The following GYG1 variants were observed in gnomAD, a reference collection of about 807,000 sequenced individuals.
GYG1 encodes glycogenin 1.
Under a neutral mutation model 41.9 loss-of-function variants are expected in GYG1, and 44 were observed. The observed-to-expected ratio is 1.05, with a 90% CI of 0.83 to 1.35. The LOEUF (loss-of-function observed/expected upper bound fraction) is 1.35. GYG1 is among the 40% of genes most tolerant of loss of function. The pLI, the probability that GYG1 is intolerant of heterozygous loss-of-function variation, is 0.00. For synonymous variants in GYG1, 141 were observed against 158.1 expected (o/e 0.89, Z 0.81); for missense variants, 429 against 418.9 (o/e 1.02, Z -0.21).
intron 5 of GYG1, among the ~76,000 whole-genome samples, chr3:149,023,106 C>A (rs1167153595): frequency 2.6e-5 from 4 of 152,166 alleles, no homozygotes; most frequent in African/African-American, 4.8e-5. Context: ...TGGTCCAGAT[C>A]TGTTCCATGT....
At chr3:149,001,122 T>A (rs905888552) in intron 4 of GYG1, 1 of 152,192 alleles carries the variant, frequency 6.6e-6, no homozygotes, top group Non-Finnish European at 1.5e-5. Flanking sequence ...AAGATGGTAC[T>A]TGTCCAAACC....
chr3:149,024,774 A>C (rs1421874798), intron 6 of GYG1, among the ~76,000 whole-genome samples: 1 of 152,228 alleles, frequency 6.6e-6, no homozygotes, highest in Non-Finnish European at 1.5e-5. Context: ...AGGATCTTGA[A>C]AAAGAAATAT....
intron 5 of GYG1, among the ~76,000 whole-genome samples, 171 bp from the exon 6 acceptor site, chr3:149,023,882 G>C (rs972733423): frequency 2.2e-5 from 3 of 136,056 alleles, no homozygotes; most frequent in Non-Finnish European, 4.9e-5. Flanking sequence ...GCTAAGGGTG[G>C]GAAGTTAGAG....
rs180812909 is a variant in GYG1 at position 149,005,723 on chromosome 3, T to C, written c.482-3553T>C. On this transcript the variant is annotated intron_variant, in intron 4 of 7. Coordinates refer to ENST00000345003, the MANE Select transcript of GYG1 (RefSeq NM_004130.4). ...TGGAATTTAGCATCTAATTCCTGATTGTATTTTGCACATTAATTGTAAGAG... is the reference window on the plus strand; with the variant it reads ...TGGAATTTAGCATCTAATTCCTGATCGTATTTTGCACATTAATTGTAAGAG... 2.2e-3 allele frequency among the ~76,000 whole-genome samples: 337 copies of C among 152,358 alleles called. 2 individuals carry two copies. The highest frequency in any genetic ancestry group is 7.8e-3 in the African/African-American group (323 of 41,586).
chr3:148,994,381 C>G, intron 2 of GYG1, 104 bp downstream of exon 2: 1 of 1,242,086 alleles, frequency 8.1e-7, no homozygotes, highest in Non-Finnish European at 1.2e-6. Context: ...AGGAATTGAG[C>G]ACCGGGTAGA....
chr3:149,009,690 C>T (rs573202762), intron 5 of GYG1, among the ~76,000 whole-genome samples: 2 of 152,286 alleles, frequency 1.3e-5, no homozygotes, highest in East Asian at 3.9e-4. Context: ...AAAACACAGA[C>T]TCTTAAGCTC....
In GYG1 at chr3:148,994,179, C is replaced by A; in HGVS notation, c.45C>A (p.Tyr15Ter). The A allele has an allele frequency of 1.2e-6, 2 of 1,613,678 alleles. No individual in the cohort carries two copies. Among genetic ancestry groups the A allele is most frequent in the East Asian group, 4.5e-5 (2 of 44,870 alleles). The stretch of plus-strand genomic sequence containing the variant: ...TGACACTAACCACAAACGATGCCTA[C>A]GCCAAAGGTGCCCTGGTCCTGGGAT... Reference protein sequence around the residue: ...AFVTLTTNDAYAKGALVLGSS... With the variant: ...AFVTLTTNDA The change falls in exon 2 of 8, where the codon TAC becomes TAA. Residue 15 changes from tyrosine (Y) to a stop codon, truncating the protein, a stop_gained. Coordinates refer to ENST00000345003, the MANE Select transcript of GYG1 (RefSeq NM_004130.4). LOFTEE classifies it high-confidence loss of function.
chr3:148,995,471 A>G (rs543477730), intron 2 of GYG1, among the ~76,000 whole-genome samples: 2 of 152,264 alleles, frequency 1.3e-5, no homozygotes, highest in Non-Finnish European at 2.9e-5. Flanking sequence ...TTGTTCCTAA[A>G]TGGTAATTTA....
intron 5 of GYG1, among the ~76,000 whole-genome samples, chr3:149,016,903 A>C (rs1377113909): frequency 1.3e-5 from 2 of 152,176 alleles, no homozygotes; most frequent in Non-Finnish European, 2.9e-5. Flanking sequence ...GTCGCAATAT[A>C]ATAGAGAACA....
At chr3:149,022,049 C>G (rs1714398164) in intron 5 of GYG1, among the ~76,000 whole-genome samples, 1 of 152,224 alleles carries the variant, frequency 6.6e-6, no homozygotes, top group South Asian at 2.1e-4. Flanking sequence ...CTACCCAGAT[C>G]ACATCTGCTG....
intron 4 of GYG1, among the ~76,000 whole-genome samples, chr3:149,006,960 GC>G (rs1264363665): frequency 6.6e-6 from 1 of 152,152 alleles, no homozygotes; most frequent in Non-Finnish European, 1.5e-5. Flanking sequence ...CTTTGTCTTA[GC>G]CTATTCAGGC....
rs551153342 is a variant in GYG1 at position 149,022,711 on chromosome 3, G to C, written c.609-1342G>C. Reference sequence around the variant, plus strand: ...GGGTTTCACCATGTTGGCCAGGATGGTCTCCATCTCCTGACCTCGTGATTT... The same window carrying C: ...GGGTTTCACCATGTTGGCCAGGATGCTCTCCATCTCCTGACCTCGTGATTT... On this transcript the variant is annotated intron_variant, in intron 5 of 7. Coordinates refer to ENST00000345003, the MANE Select transcript of GYG1 (RefSeq NM_004130.4). Among the ~76,000 whole-genome samples, 4 of 151,836 alleles carry C rather than the reference G, an allele frequency of 2.6e-5. No individual in the cohort carries two copies. The East Asian group carries it at 7.8e-4, about 29-fold the overall frequency.
chr3:149,016,925 AGT>A (rs2107912836), intron 5 of GYG1, among the ~76,000 whole-genome samples: 1 of 152,304 alleles, frequency 6.6e-6, no homozygotes, highest in South Asian at 2.1e-4. Context: ...GAGCCACAGA[AGT>A]GGGCAAGAGG....
chr3:148,991,649 T>TACCGCCGCGCAGCCC lies in GYG1; in HGVS notation c.7+3_7+17dup. 8 of 1,539,344 alleles carry TACCGCCGCGCAGCCC rather than the reference T, an allele frequency of 5.2e-6. No individual in the cohort carries two copies. Among genetic ancestry groups the TACCGCCGCGCAGCCC allele is most frequent in the Non-Finnish European group, 7.0e-6 (8 of 1,150,900 alleles). Reference sequence around the variant, plus strand: ...GCGCACCCGGCAGCACCATGACAGGTACCGCCGCGCAGCCCGCCGCCGCCA... The same window carrying TACCGCCGCGCAGCCC: ...GCGCACCCGGCAGCACCATGACAGGTACCGCCGCGCAGCCCACCGCCGCGCAGCCCGCCGCCGCCA... On this transcript the variant is annotated splice_region_variant and intron_variant, in intron 1 of 7. Coordinates refer to ENST00000345003, the MANE Select transcript of GYG1 (RefSeq NM_004130.4).
chr3:149,005,107 T>C (rs932538010), intron 4 of GYG1, among the ~76,000 whole-genome samples: 8 of 152,238 alleles, frequency 5.3e-5, no homozygotes, highest in African/African-American at 1.9e-4. Flanking sequence ...GAAGGTGTTA[T>C]AATGTCCAGG....
At chr3:149,015,448 G>C (rs1380340700) in intron 5 of GYG1, among the ~76,000 whole-genome samples, 1 of 152,196 alleles carries the variant, frequency 6.6e-6, no homozygotes, top group Non-Finnish European at 1.5e-5. Flanking sequence ...TAGAAGAATA[G>C]GAACAAGAGA....
intron 4 of GYG1, chr3:149,009,011 TTGCC>T (rs1249246013): frequency 2.7e-6 from 1 of 373,070 alleles, no homozygotes; most frequent in African/African-American, 2.1e-5. Flanking sequence ...TAACAAAAAA[TTGCC>T]TGACGTGGTG....
At chr3:149,022,911 C>G (rs2107920405) in intron 5 of GYG1, among the ~76,000 whole-genome samples, 1 of 152,140 alleles carries the variant, frequency 6.6e-6, no homozygotes, top group Admixed American at 6.5e-5. Flanking sequence ...AGCTATAGTT[C>G]ATTCATTTTA....
At chr3:149,018,245 A>T (rs569497858) in intron 5 of GYG1, among the ~76,000 whole-genome samples, 1 of 152,228 alleles carries the variant, frequency 6.6e-6, no homozygotes, top group South Asian at 2.1e-4. Context: ...AACTCTAGAT[A>T]TGAAAACAGA....
Sources: allele counts gnomAD v4.1 joint callset (sites outside exome capture counted in the v4.1 genomes callset), GRCh38; gene constraint gnomAD v4.1.1; transcripts MANE v1.5; gene names NCBI Gene and HGNC (gene_info 2026-07-23, HGNC 2026-07-21).